Variants in ZNF546 observed in about 807,000 individuals in gnomAD.
ZNF546 encodes CTC-471F3.6.
ZNF546 carries 60 observed loss-of-function variants against 76.2 expected under a neutral mutation model. That is an observed-to-expected ratio of 0.79 (90% CI 0.64 to 0.98). The LOEUF is 0.98. ZNF546 is among the 50% of genes least tolerant of loss of function. The probability of loss-of-function intolerance (pLI) is 0.00; values close to 1 mark genes in which losing one functional copy is unlikely to be tolerated. For synonymous variants in ZNF546, 277 were observed against 328.1 expected (o/e 0.84, Z 1.68); for missense variants, 936 against 1,035.6 (o/e 0.90, Z 1.32).
Position 40,007,338 on chromosome 19 carries a change from C to T in ZNF546, c.236C>T (p.Ala79Val). ...CAAGAGGAGTGGGAGTGCCTGGACG[C>T]TGTGCAGAGGGACTTGTACAAGGAT... ...LSQEEWECLD[A>V]VQRDLYKDVM... The change falls in exon 5 of 7, where the codon GCT becomes GTT. Residue 79 changes from alanine (A) to valine (V), a missense_variant. Physicochemically the swap from Ala to Val is moderately conservative, Grantham distance 64 (BLOSUM62 0). Coordinates refer to ENST00000347077, the MANE Select transcript of ZNF546 (RefSeq NM_178544.5). 6.2e-7 allele frequency: 1 copy of T among 1,607,672 alleles called. No individual in the cohort carries two copies. The highest frequency in any genetic ancestry group is 8.5e-7 in the Non-Finnish European group (1 of 1,176,282).
rs1254401649 is a variant in ZNF546, at chr19:40,013,667, TTGGAATACAAGTA to T, written c.399_411del (p.Glu134LeufsTer60). The T allele has an allele frequency of 6.9e-7, 1 of 1,440,070 alleles. No homozygotes were observed. The allele number at this position is 1,440,070 out of a possible 1,614,324, so 89.2% of individuals were successfully genotyped here. A position where few individuals can be genotyped will look rare whatever the true frequency, so the allele number is the denominator to read the frequency against. ...TTTTTTTTTTTTTTTTTTTGCAGAT[TTGGAATACAAGTA>T]TATTACCAAGAATTTGCTTTCAGAA... On this transcript the variant is annotated frameshift_variant, in exon 7 of 7. Transcript: ENST00000347077. LOFTEE classifies it high-confidence loss of function.
At position 40,014,210 on chromosome 19, in the gene ZNF546, A is replaced by G. The variant is rs1971715282; in HGVS notation, c.940A>G (p.Arg314Gly). Residue 314 changes from arginine (R) to glycine (G), a missense_variant, in exon 7 of 7, where the codon AGA (arginine) becomes GGA (glycine). Coordinates refer to ENST00000347077, the MANE Select transcript of ZNF546 (RefSeq NM_178544.5). ...ATGTGGGAAAGCCTTTAGTCGTGTT[A>G]GAGACCTTAGAGTACATCAGACAAT... ...KECGKAFSRV[R>G]DLRVHQTIHA... The G allele has an allele frequency of 5.0e-6, 8 of 1,612,960 alleles. No individual in the cohort carries two copies. Among genetic ancestry groups the G allele is most frequent in the Non-Finnish European group, 6.8e-6 (8 of 1,179,466 alleles).
rs765014310 is a variant in ZNF546, at chr19:40,014,047, C to T, written c.777C>T (p.Asp259=). 1 of 1,612,324 alleles carries T rather than the reference C, an allele frequency of 6.2e-7. No individual in the cohort carries two copies. Among genetic ancestry groups the T allele is most frequent in the South Asian group, 1.1e-5 (1 of 91,004 alleles). ...GAAAGGCCTTTTGTCGAGTGGGAGA[C>T]CTTAGAGTACATCACACAATCCATG... ...ECGKAFCRVG[D]LRVHHTIHAG... Residue 259 remains aspartate (D), a synonymous_variant, in exon 7 of 7, where the codon GAC becomes GAT. Coordinates refer to ENST00000347077, the MANE Select transcript of ZNF546 (RefSeq NM_178544.5).
At position 40,013,793 on chromosome 19, in the gene ZNF546, G is replaced by A; in HGVS notation, c.523G>A (p.Gly175Ser). ...CCATGAGGACACCATTTTCAGAAATGGTTTGCAGTGTAAACATGAATTTGA... is the reference window on the plus strand; with the variant it reads ...CCATGAGGACACCATTTTCAGAAATAGTTTGCAGTGTAAACATGAATTTGA... ...TIHEDTIFRN[G>S]LQCKHEFERQ... Residue 175 changes from glycine (G) to serine (S), a missense_variant, in exon 7 of 7, where the codon GGT becomes AGT. Coordinates refer to ENST00000347077, the MANE Select transcript of ZNF546 (RefSeq NM_178544.5). The A allele has an allele frequency of 6.2e-7, 1 of 1,613,930 alleles. No homozygotes were observed. Among genetic ancestry groups the A allele is most frequent in the Non-Finnish European group, 8.5e-7 (1 of 1,179,986 alleles).
chr19:40,013,931 G>T lies in ZNF546; in HGVS notation c.661G>T (p.Glu221Ter). Reference sequence around the variant, plus strand: ...TAGAGAGAAATCATATGAATGTAAGGAATGTAGAAAGGCCTTTAGACAACA... The same window carrying T: ...TAGAGAGAAATCATATGAATGTAAGTAATGTAGAAAGGCCTTTAGACAACA... ...HAREKSYECKECRKAFRQQSY... is the reference protein window; with the variant it reads ...HAREKSYECK The change falls in exon 7 of 7, where the codon GAA (glutamate) becomes TAA (stop). Residue 221 changes from glutamate (E) to a stop codon, truncating the protein, a stop_gained. Coordinates refer to ENST00000347077, the MANE Select transcript of ZNF546 (RefSeq NM_178544.5). LOFTEE classifies it high-confidence loss of function. 3 of 1,610,674 alleles carry T rather than the reference G, an allele frequency of 1.9e-6. No individual in the cohort carries two copies. The highest frequency in any genetic ancestry group is 2.5e-6 in the Non-Finnish European group (3 of 1,178,312).
rs111700396 is a variant in ZNF546 at position 40,013,080 on chromosome 19, T to A, written c.395-585T>A. 3.9e-5 allele frequency among the ~76,000 whole-genome samples: 6 copies of A among 152,324 alleles called. 1 individual carries two copies. The highest frequency in any genetic ancestry group is 1.3e-4 in the Admixed American group (2 of 15,298). ...CACCTGCCTCAGCCTCCCAAAGTGC[T>A]GGGATTACAGGCACGAGCCACCGCA... On this transcript the variant is annotated intron_variant, in intron 6 of 6. Transcript: ENST00000347077.
intron 6 of ZNF546, among the ~76,000 whole-genome samples, 163 bp from the exon 7 acceptor site, chr19:40,013,502 A>C (rs1293382400): frequency 6.6e-6 from 1 of 152,166 alleles, no homozygotes; most frequent in Non-Finnish European, 1.5e-5. Flanking sequence ...TTAAAGAAGA[A>C]GTTTGTTGAA....
At position 40,017,384 on chromosome 19, in the gene ZNF546, AAC is replaced by A. The variant is rs1491373907; in HGVS notation, c.*1605_*1606del. 2.2e-5 allele frequency: 3 copies of A among 138,322 alleles called. No individual in the cohort carries two copies. The highest frequency in any genetic ancestry group is 6.6e-5 in the Admixed American group (1 of 15,056). The allele number at this position is 138,322 out of a possible 1,614,324, so 8.6% of individuals were successfully genotyped here. The stretch of plus-strand genomic sequence containing the variant: ...ATTTGGAAAACTTAAAAGAATAATG[AAC>A]AGTTATGTTCTATCTAGATTCAGCA... On this transcript the variant is annotated 3_prime_UTR_variant, in exon 7 of 7. Transcript: ENST00000347077.
chr19:40,000,871 A>G (rs1971520789), intron 3 of ZNF546, among the ~76,000 whole-genome samples: 1 of 152,086 alleles, frequency 6.6e-6, no homozygotes, highest in Admixed American at 6.6e-5. Context: ...TTTATTGTGC[A>G]TTTTATTCCC....
intron 3 of ZNF546, among the ~76,000 whole-genome samples, chr19:39,998,754 T>A (rs1971488225): frequency 6.6e-6 from 1 of 152,178 alleles, no homozygotes. Context: ...ATAGTCATAG[T>A]GATGAAGAAT....
At chr19:40,007,430 C>T (rs1258711735) in intron 5 of ZNF546, 30 bp downstream of exon 5, 1 of 1,566,120 alleles carries the variant, frequency 6.4e-7, no homozygotes, top group Non-Finnish European at 8.7e-7. Flanking sequence ...CGTTTACAAT[C>T]TGTTTTCTGG....
chr19:40,017,807 A>G lies in ZNF546; in HGVS notation c.*2026A>G, dbSNP rs1054375242. The G allele has an allele frequency of 2.0e-5, 3 of 152,078 alleles. No individual in the cohort carries two copies. The highest frequency in any genetic ancestry group is 2.9e-5 in the Non-Finnish European group (2 of 68,014). The allele number at this position is 152,078 out of a possible 1,614,324, so 9.4% of individuals were successfully genotyped here. A position where few individuals can be genotyped will look rare whatever the true frequency, so the allele number is the denominator to read the frequency against. On this transcript the variant is annotated 3_prime_UTR_variant, in exon 7 of 7. Coordinates refer to ENST00000347077, the MANE Select transcript of ZNF546 (RefSeq NM_178544.5). ...AATCTGTAATATTCAGTCTGTGTTCATATTCTCAGTTGTGTTCATTCTTTT... is the reference window on the plus strand; with the variant it reads ...AATCTGTAATATTCAGTCTGTGTTCGTATTCTCAGTTGTGTTCATTCTTTT...
intron 5 of ZNF546, 100 bp downstream of exon 5, chr19:40,007,500 C>T: frequency 8.1e-7 from 1 of 1,233,126 alleles, no homozygotes; most frequent in African/African-American, 1.5e-5. Flanking sequence ...TGACTGACAC[C>T]CCTATTTCTA....
At chr19:40,003,329 G>A (rs892609319) in intron 3 of ZNF546, among the ~76,000 whole-genome samples, 2 of 152,158 alleles carry the variant, frequency 1.3e-5, no homozygotes, top group African/African-American at 4.8e-5. Flanking sequence ...GAGCCACCGT[G>A]CCCAGCTTAA....
Position 40,017,858 on chromosome 19 carries a change from A to G in ZNF546, c.*2077A>G, listed in dbSNP as rs1297755968. 1 of 149,758 alleles carries G rather than the reference A, an allele frequency of 6.7e-6. No individual in the cohort carries two copies. Among genetic ancestry groups the G allele is most frequent in the Non-Finnish European group, 1.5e-5 (1 of 67,662 alleles). 9.3% of individuals were successfully genotyped at this position (149,758 alleles called of 1,614,324 possible). A position where few individuals can be genotyped will look rare whatever the true frequency, so the allele number is the denominator to read the frequency against. On this transcript the variant is annotated 3_prime_UTR_variant, in exon 7 of 7. Coordinates refer to ENST00000347077, the MANE Select transcript of ZNF546 (RefSeq NM_178544.5). ...CATTTGTGTAAACAATGCTTTTCAT[A>G]GGTTATTTTTAAATTCAGGAACCAA... is the stretch of plus-strand genomic sequence containing the variant.
chr19:40,004,393 A>G (rs1450564576), intron 3 of ZNF546, among the ~76,000 whole-genome samples: 1 of 151,670 alleles, frequency 6.6e-6, no homozygotes, highest in Admixed American at 6.6e-5. Context: ...TCAGCCTCCC[A>G]AGTAGCTGGG....
chr19:39,998,257 A>C lies in ZNF546; in HGVS notation c.-70A>C. The stretch of plus-strand genomic sequence containing the variant: ...ATGTTTTTGTTTTTAGGAAATGGAA[A>C]CATTGCTTTGCTTTTCCTGAATTGT... On this transcript the variant is annotated 5_prime_UTR_variant, in exon 3 of 7. Coordinates refer to ENST00000347077, the MANE Select transcript of ZNF546 (RefSeq NM_178544.5). 1 of 1,228,864 alleles carries C rather than the reference A, an allele frequency of 8.1e-7. No homozygotes were observed. 76.1% of individuals were successfully genotyped at this position (1,228,864 alleles called of 1,614,324 possible).
chr19:40,000,876 A>T (rs1384708845), intron 3 of ZNF546, among the ~76,000 whole-genome samples: 2 of 152,078 alleles, frequency 1.3e-5, no homozygotes, highest in African/African-American at 4.8e-5. Flanking sequence ...TGTGCATTTT[A>T]TTCCCATTAT....
intron 3 of ZNF546, among the ~76,000 whole-genome samples, chr19:40,002,796 T>G (rs1401425307): frequency 6.7e-6 from 1 of 149,446 alleles, no homozygotes; most frequent in Non-Finnish European, 1.5e-5. Context: ...GCCTCCCGGG[T>G]GGAAGCGATT....
Sources: gnomAD v4.1 joint callset for allele counts (sites outside exome capture counted in the v4.1 genomes callset) on GRCh38, gnomAD v4.1.1 for gene constraint, MANE v1.5 for transcripts, NCBI Gene and HGNC (gene_info 2026-07-23, HGNC 2026-07-21) for gene names.